TYR: variants seen among roughly 807,000 people sequenced by gnomAD.
TYR encodes the protein LB24-AB.
Under a neutral mutation model 51.5 loss-of-function variants are expected in TYR, and 58 were observed. That is an observed-to-expected ratio of 1.13 (90% confidence interval 0.91 to 1.40). TYR has a LOEUF of 1.40. Among genes scored for constraint, TYR ranks in the 40% most tolerant of loss-of-function variants. The pLI is 0.00. For missense variants in TYR, 732 were observed against 647.4 expected, an observed-to-expected ratio of 1.13 and a Z score of -1.42; for synonymous variants, 263 against 235.2, an observed-to-expected ratio of 1.12 and a Z score of -1.08.
chr11:89,276,539 T>C (rs1398489062), intron 3 of TYR, among the ~76,000 whole-genome samples: 1 of 151,774 alleles, frequency 6.6e-6, no homozygotes, highest in East Asian at 1.9e-4. Flanking sequence ...ATTATCTCCT[T>C]CGTTGTATTT....
At chr11:89,179,027 C>A (rs1943267097) in intron 1 of TYR, among the ~76,000 whole-genome samples, 2 of 152,116 alleles carry the variant, frequency 1.3e-5, no homozygotes, top group African/African-American at 4.8e-5. Context: ...TTCATTATTG[C>A]ATTTCCCAGA....
At chr11:89,239,443 G>T (rs1205026167) in intron 3 of TYR, among the ~76,000 whole-genome samples, 5 of 151,520 alleles carry the variant, frequency 3.3e-5, no homozygotes, top group Non-Finnish European at 7.4e-5. Flanking sequence ...TTATTTATTT[G>T]CATCTTCTTT....
intron 3 of TYR, among the ~76,000 whole-genome samples, chr11:89,251,226 T>C (rs1478929528): frequency 6.6e-6 from 1 of 151,932 alleles, no homozygotes; most frequent in African/African-American, 2.4e-5. Flanking sequence ...ATAACTAATG[T>C]ATAAAATATC....
rs1334596959 is a variant in TYR at position 89,224,499 on chromosome 11, C to G, written c.1037-3324C>G. ...TCTTCAAAGTGGCATAGATACACTA[C>G]TGCAGGTTCACAAAAACTTTCTAAG... On this transcript the variant is annotated intron_variant, in intron 2 of 4. Transcript: ENST00000263321. Among the ~76,000 whole-genome samples, 3 of 152,148 alleles carry G rather than the reference C, an allele frequency of 2.0e-5. No individual in the cohort carries two copies. In the East Asian group the frequency reaches 5.8e-4, roughly 29 times the overall value.
At chr11:89,204,173 A>G (rs950717510) in intron 2 of TYR, among the ~76,000 whole-genome samples, 4 of 152,164 alleles carry the variant, frequency 2.6e-5, no homozygotes, top group African/African-American at 4.8e-5. Flanking sequence ...GTCTTCTAGC[A>G]CTGTCTAGTG....
At chr11:89,202,264 G>A (rs1217923631) in intron 2 of TYR, among the ~76,000 whole-genome samples, 1 of 152,034 alleles carries the variant, frequency 6.6e-6, no homozygotes, top group Non-Finnish European at 1.5e-5. Flanking sequence ...TCTCTCTGGT[G>A]GCTGTTGAGG....
At chr11:89,209,078 T>C (rs1019745915) in intron 2 of TYR, among the ~76,000 whole-genome samples, 1 of 152,150 alleles carries the variant, frequency 6.6e-6, no homozygotes, top group African/African-American at 2.4e-5. Flanking sequence ...TTCATCTCAT[T>C]GGGACTGGTC....
At chr11:89,255,425 A>G (rs1160703877) in intron 3 of TYR, among the ~76,000 whole-genome samples, 1 of 151,684 alleles carries the variant, frequency 6.6e-6, no homozygotes, top group Non-Finnish European at 1.5e-5. Context: ...AATAAAATAA[A>G]ATAAAATGAA....
At chr11:89,186,720 A>G (rs979280184) in intron 1 of TYR, among the ~76,000 whole-genome samples, 2 of 152,120 alleles carry the variant, frequency 1.3e-5, no homozygotes, top group South Asian at 4.1e-4. Context: ...TATGGACTGA[A>G]TTGTGTCTCC....
intron 3 of TYR, among the ~76,000 whole-genome samples, chr11:89,246,900 C>G (rs1944273967): frequency 6.6e-6 from 1 of 152,086 alleles, no homozygotes; most frequent in Non-Finnish European, 1.5e-5. Context: ...GCAGAAATCT[C>G]AGGGTTATGG....
At chr11:89,198,313 G>C (rs1943550586) in intron 2 of TYR, among the ~76,000 whole-genome samples, 1 of 152,016 alleles carries the variant, frequency 6.6e-6, no homozygotes, top group Admixed American at 6.6e-5. Context: ...AGTTAACATG[G>C]AGTGACGCAT....
intron 3 of TYR, among the ~76,000 whole-genome samples, chr11:89,231,539 A>C (rs1355396428): frequency 1.4e-5 from 2 of 143,436 alleles, no homozygotes; most frequent in Admixed American, 1.4e-4. Flanking sequence ...TGAGTCAGAC[A>C]CACAAAGACA....
intron 1 of TYR, among the ~76,000 whole-genome samples, chr11:89,184,293 CT>C (rs1230903057): frequency 1.3e-5 from 2 of 152,110 alleles, no homozygotes; most frequent in African/African-American, 4.8e-5. Flanking sequence ...CTGTAGGAGT[CT>C]TTAAGGCAGC....
At chr11:89,252,651 T>G (rs972693213) in intron 3 of TYR, among the ~76,000 whole-genome samples, 3 of 151,794 alleles carry the variant, frequency 2.0e-5, no homozygotes, top group African/African-American at 7.2e-5. Flanking sequence ...AACAAAGTAC[T>G]GATTCAGAAA....
At chr11:89,219,726 C>A (rs1286626430) in intron 2 of TYR, among the ~76,000 whole-genome samples, 1 of 152,084 alleles carries the variant, frequency 6.6e-6, no homozygotes, top group Non-Finnish European at 1.5e-5. Flanking sequence ...TATACAATAT[C>A]TTGGTGACAC....
At chr11:89,267,873 A>T (rs184692360) in intron 3 of TYR, among the ~76,000 whole-genome samples, 1 of 152,060 alleles carries the variant, frequency 6.6e-6, no homozygotes, top group Admixed American at 6.6e-5. Flanking sequence ...GGAAAGTGCC[A>T]AGTACAAAAG....
chr11:89,220,144 T>TAA (rs34422026), intron 2 of TYR, among the ~76,000 whole-genome samples: 5,398 of 149,578 alleles, frequency 0.036, 140 homozygotes, highest in Middle Eastern at 0.065. Context: ...ACTAGGTAAT[T>TAA]AAAAAAAAAA....
In TYR at chr11:89,278,630, ATGT is replaced by A. The variant is rs1287866896; in HGVS notation, c.1185-6139_1185-6137del. ...TTTTATAATTATTTTATTTGTAAAA[ATGT>A]TGTGAAGATAGAACGGAGAGTTCCT... On this transcript the variant is annotated intron_variant, in intron 3 of 4. Coordinates refer to ENST00000263321, the MANE Select transcript of TYR (RefSeq NM_000372.5). 2.0e-5 allele frequency among the ~76,000 whole-genome samples: 3 copies of A among 151,580 alleles called. No individual in the cohort carries two copies. The East Asian group carries it at 5.8e-4, about 30-fold the overall frequency.
intron 3 of TYR, among the ~76,000 whole-genome samples, chr11:89,241,520 T>C (rs1944193731): frequency 6.6e-6 from 1 of 152,064 alleles, no homozygotes; most frequent in African/African-American, 2.4e-5. Flanking sequence ...TCATTCATAT[T>C]TATTAATTCA....
Sources: allele counts gnomAD v4.1 joint callset (sites outside exome capture counted in the v4.1 genomes callset), GRCh38; gene constraint gnomAD v4.1.1; transcripts MANE v1.5; gene names NCBI Gene and HGNC (gene_info 2026-07-23, HGNC 2026-07-21).